Variants in DLG2 observed in about 807,000 individuals in gnomAD.
DLG2 encodes discs large MAGUK scaffold protein 2, also known as disks large homolog 2.
A neutral mutation model predicts 132.5 loss-of-function variants in DLG2; 45 were observed. The observed-to-expected ratio is 0.34, with a 90% CI of 0.27 to 0.44. The LOEUF is 0.44. Ranked by LOEUF, DLG2 falls within the 20% of genes least tolerant of loss-of-function variation. The pLI, the probability that DLG2 is intolerant of heterozygous loss-of-function variation, is 1.00. For synonymous variants in DLG2, 424 were observed against 419.6 expected (o/e 1.01, Z -0.13); for missense variants, 1,045 against 1,196.9 (o/e 0.87, Z 1.87).
intron 18 of DLG2, among the ~76,000 whole-genome samples, chr11:83,714,838 T>C (rs2086318719): frequency 6.6e-6 from 1 of 152,230 alleles, no homozygotes; most frequent in Non-Finnish European, 1.5e-5. Flanking sequence ...TCAACCATTG[T>C]GGAAGACAGT....
chr11:85,429,743 C>T (rs1274672012), intron 3 of DLG2, among the ~76,000 whole-genome samples: 1 of 152,204 alleles, frequency 6.6e-6, no homozygotes, highest in African/African-American at 2.4e-5. Flanking sequence ...AATGGGAACA[C>T]TTTTACACTG....
intron 6 of DLG2, among the ~76,000 whole-genome samples, chr11:84,679,576 C>A (rs1482263747): frequency 6.6e-6 from 1 of 151,906 alleles, no homozygotes; most frequent in African/African-American, 2.4e-5. Flanking sequence ...GAGTTATGAT[C>A]AGGGATACAG....
intron 7 of DLG2, among the ~76,000 whole-genome samples, chr11:84,340,367 C>A (rs2098508866): frequency 6.6e-6 from 1 of 152,088 alleles, no homozygotes; most frequent in African/African-American, 2.4e-5. Flanking sequence ...AATAAGTGAT[C>A]ACTAGACAAA....
chr11:84,981,524 T>C (rs1302265026), intron 6 of DLG2, among the ~76,000 whole-genome samples: 3 of 152,182 alleles, frequency 2.0e-5, no homozygotes, highest in Non-Finnish European at 4.4e-5. Flanking sequence ...ATTGGAGGTC[T>C]ATAGGCTCCC....
At chr11:83,825,080 T>C (rs558934697) in intron 17 of DLG2, among the ~76,000 whole-genome samples, 18 of 147,720 alleles carry the variant, frequency 1.2e-4, no homozygotes, top group African/African-American at 4.2e-4. Flanking sequence ...CACATATATA[T>C]ACACACATAT....
At chr11:84,332,852 A>T (rs559868051) in intron 7 of DLG2, among the ~76,000 whole-genome samples, 1 of 152,262 alleles carries the variant, frequency 6.6e-6, no homozygotes, top group South Asian at 2.1e-4. Flanking sequence ...CTCCACTGGT[A>T]TGGTTACTGT....
chr11:84,291,143 C>T (rs2097989714), intron 7 of DLG2, among the ~76,000 whole-genome samples: 2 of 152,072 alleles, frequency 1.3e-5, no homozygotes, highest in African/African-American at 4.8e-5. Flanking sequence ...ATAATTTACT[C>T]TGTGTATTCT....
chr11:85,494,998 T>A (rs907067759), intron 3 of DLG2, among the ~76,000 whole-genome samples: 3 of 151,770 alleles, frequency 2.0e-5, no homozygotes, highest in Admixed American at 1.3e-4. Context: ...CACACATCAA[T>A]AAGGAAAAGA....
At chr11:84,562,861 T>C (rs908794136) in intron 6 of DLG2, among the ~76,000 whole-genome samples, 3 of 151,690 alleles carry the variant, frequency 2.0e-5, no homozygotes, top group Non-Finnish European at 4.4e-5. Flanking sequence ...CAAGTGACCC[T>C]CCTGCATCAA....
chr11:85,146,227 C>CTCTCTCTCTCTCTCTCTCT (rs1555384682), intron 5 of DLG2, among the ~76,000 whole-genome samples: 18 of 129,204 alleles, frequency 1.4e-4, no homozygotes, highest in African/African-American at 5.2e-4. Flanking sequence ...TCTGTTTCTC[C>CTCTCTCTCTCTCTCTCTCT]CTCTCTCTCT....
chr11:85,406,605 A>T (rs2088767198), intron 3 of DLG2, among the ~76,000 whole-genome samples: 1 of 151,914 alleles, frequency 6.6e-6, no homozygotes, highest in Non-Finnish European at 1.5e-5. Flanking sequence ...AAATGCCGAG[A>T]GTCAGAAAAA....
intron 3 of DLG2, among the ~76,000 whole-genome samples, chr11:85,363,272 G>A (rs547974385): frequency 6.6e-6 from 1 of 152,296 alleles, no homozygotes; most frequent in South Asian, 2.1e-4. Context: ...GCCTCTGTGC[G>A]TAATCTTCTA....
At chr11:83,836,905 TG>T (rs769691184) in intron 16 of DLG2, among the ~76,000 whole-genome samples, 5 of 152,170 alleles carry the variant, frequency 3.3e-5, no homozygotes, top group Non-Finnish European at 7.3e-5. Context: ...AGCTCCCCCT[TG>T]ATCACAGAAC....
rs55809725 is a variant in DLG2 at position 84,588,782 on chromosome 11, G to GAA, written c.358-54053_358-54052dup. ...ATGGTAAACTTTTTCTAGCATATGT[G>GAA]AAAAAAAAAAAAAAACAAAATATGG... On this transcript the variant is annotated intron_variant, in intron 6 of 27. Transcript: ENST00000376104. Among the ~76,000 whole-genome samples, 518 of 137,018 alleles carry GAA rather than the reference G, an allele frequency of 3.8e-3. 4 individuals carry two copies. Among genetic ancestry groups the GAA allele is most frequent in the African/African-American group, 0.011 (431 of 37,816 alleles). The allele number at this position is 137,018 out of a possible 152,430, so 89.9% of individuals were successfully genotyped here.
At chr11:84,856,216 T>G (rs575802872) in intron 6 of DLG2, among the ~76,000 whole-genome samples, 1 of 152,228 alleles carries the variant, frequency 6.6e-6, no homozygotes, top group South Asian at 2.1e-4. Context: ...CTTTTCAATA[T>G]TTAAAGGGAT....
chr11:84,405,550 T>G (rs2098845881), intron 7 of DLG2, among the ~76,000 whole-genome samples: 2 of 152,306 alleles, frequency 1.3e-5, no homozygotes, highest in African/African-American at 4.8e-5. Flanking sequence ...ATATTTAATA[T>G]CTAACCTATT....
intron 6 of DLG2, among the ~76,000 whole-genome samples, chr11:84,914,211 G>T (rs2092309887): frequency 6.6e-6 from 1 of 152,040 alleles, no homozygotes; most frequent in Non-Finnish European, 1.5e-5. Flanking sequence ...TTCAAATTCT[G>T]CCTATTTTGA....
At chr11:83,760,516 G>A (rs186730609) in intron 18 of DLG2, among the ~76,000 whole-genome samples, 27 of 150,778 alleles carry the variant, frequency 1.8e-4, no homozygotes, top group African/African-American at 4.6e-4. Flanking sequence ...CACCACGCCC[G>A]GCTAATTTTT....
intron 7 of DLG2, among the ~76,000 whole-genome samples, chr11:84,315,059 T>C (rs2098340189): frequency 6.6e-6 from 1 of 152,036 alleles, no homozygotes; most frequent in African/African-American, 2.4e-5. Context: ...GGAGGGAAAA[T>C]GTATAGAAAT....
Sources: allele counts gnomAD v4.1 joint callset (sites outside exome capture counted in the v4.1 genomes callset), GRCh38; gene constraint gnomAD v4.1.1; transcripts MANE v1.5; gene names NCBI Gene and HGNC (gene_info 2026-07-23, HGNC 2026-07-21).